SMARCA2: variants seen among roughly 807,000 people sequenced by gnomAD.
The protein encoded by SMARCA2 is SWI/SNF-related matrix-associated actin-dependent regulator of chromatin subfamily A member 2.
SMARCA2 carries 61 observed loss-of-function variants against 199.8 expected under a neutral mutation model. The observed-to-expected ratio is 0.31, with a 90% confidence interval of 0.25 to 0.38. The LOEUF is 0.38. SMARCA2 is among the 10% of genes least tolerant of loss of function. The pLI, the probability that SMARCA2 is intolerant of heterozygous loss-of-function variation, is 1.00. For missense variants in SMARCA2, 1,344 were observed against 2,012.2 expected (o/e 0.67, Z 6.35); for synonymous variants, 935 against 732.0 (o/e 1.28, Z -4.48).
intron 27 of SMARCA2, among the ~76,000 whole-genome samples, chr9:2,152,241 C>T (rs767617686): frequency 6.6e-6 from 1 of 152,186 alleles, no homozygotes; most frequent in Non-Finnish European, 1.5e-5. Context: ...TTTTGGAAGA[C>T]AACCCTATCA....
In SMARCA2 at chr9:2,060,962, G is replaced by C. The variant is rs1299495785; in HGVS notation, c.1668G>C (p.Lys556Asn). 6.2e-7 allele frequency: 1 copy of C among 1,614,014 alleles called. No homozygotes were observed. Among genetic ancestry groups the C allele is most frequent in the Non-Finnish European group, 8.5e-7 (1 of 1,179,926 alleles). Residue 556 changes from lysine to asparagine, a missense_variant, in exon 9 of 34, where the codon AAG becomes AAC. Lys to Asn is a moderately conservative substitution (Grantham distance 94). Transcript: ENST00000349721. ...AGCAAGCCCAGGCAGCCAAAGAGAA[G>C]AAGAAGAGGAGGAGGAGGAAGAAGG... ...EHKQAQAAKE[K>N]KKRRRRKKKA...
At chr9:2,188,718 C>T (rs1216755014) in intron 32 of SMARCA2, among the ~76,000 whole-genome samples, 1 of 152,184 alleles carries the variant, frequency 6.6e-6, no homozygotes, top group Non-Finnish European at 1.5e-5. Flanking sequence ...TCTTGTGGGT[C>T]ACAGGTTCAG....
At position 2,104,178 on chromosome 9, in the gene SMARCA2, A is replaced by G. The variant is rs778720299; in HGVS notation, c.3292+9A>G. On this transcript the variant is annotated intron_variant, in intron 23 of 33. Coordinates refer to ENST00000349721, the MANE Select transcript of SMARCA2 (RefSeq NM_003070.5). The surrounding 1 kb of genome is among the most constrained non-coding windows in gnomAD (Gnocchi z 4.0). ...TTACCTACGCCTTGATGGTAAGTGC[A>G]TAAGGCATTAGGCTCGGAAGCCATA... is the stretch of plus-strand genomic sequence containing the variant. 3.1e-6 allele frequency: 5 copies of G among 1,609,590 alleles called. No individual in the cohort carries two copies. In the South Asian group the frequency reaches 5.5e-5, roughly 18 times the overall value.
chr9:2,160,146 T>C (rs575572077), intron 27 of SMARCA2: 24 of 530,994 alleles, frequency 4.5e-5, no homozygotes, highest in African/African-American at 4.0e-4. Context: ...TTAGCTGCAG[T>C]GTGTTTAGCT....
intron 32 of SMARCA2, among the ~76,000 whole-genome samples, chr9:2,188,066 A>C (rs1301011408): frequency 6.6e-6 from 1 of 152,216 alleles, no homozygotes; most frequent in Non-Finnish European, 1.5e-5. Flanking sequence ...ACATGCTTTT[A>C]AAAAATTATT....
At chr9:2,177,134 A>G (rs1226944009) in intron 29 of SMARCA2, among the ~76,000 whole-genome samples, 1 of 152,142 alleles carries the variant, frequency 6.6e-6, no homozygotes, top group Admixed American at 6.6e-5. Flanking sequence ...CTTCAATGAT[A>G]TATATTAAAC....
At chr9:2,162,682 G>A (rs916960556) in intron 28 of SMARCA2, 1 of 152,124 alleles carries the variant, frequency 6.6e-6, no homozygotes, top group Admixed American at 6.6e-5. Flanking sequence ...AAAATTGACA[G>A]GAAACAGACA....
At chr9:2,176,716 C>CTAAGT in intron 29 of SMARCA2, among the ~76,000 whole-genome samples, 1 of 117,826 alleles carries the variant, frequency 8.5e-6, no homozygotes. Flanking sequence ...CCACGCCTGG[C>CTAAGT]TAAGTTTTGT....
In SMARCA2 at chr9:2,039,616, G is replaced by A. The variant is rs1158247037; in HGVS notation, c.506G>A (p.Arg169Lys). The change falls in exon 4 of 34, where the codon AGA (arginine) becomes AAA (lysine). Residue 169 changes from arginine (R) to lysine (K), a missense_variant. Transcript: ENST00000349721. The surrounding 1 kb of genome is among the most constrained non-coding windows in gnomAD (Gnocchi z 4.8). Reference sequence around the variant, plus strand: ...CCGCAGGCCATGAGCCAGCCCAACAGAGGTCCCTCACCTTTCAGTCCTGTC... The same window carrying A: ...CCGCAGGCCATGAGCCAGCCCAACAAAGGTCCCTCACCTTTCAGTCCTGTC... ...GDPQAMSQPN[R>K]GPSPFSPVQL... The A allele has an allele frequency of 1.9e-6, 3 of 1,614,168 alleles. No individual in the cohort carries two copies. The Admixed American group carries it at 5.0e-5, about 27-fold the overall frequency.
chr9:2,033,026 A>G lies in SMARCA2; in HGVS notation c.300A>G (p.Arg100=). Residue 100 remains arginine (R), a synonymous_variant, in exon 3 of 34, where the codon CGA becomes CGG. Coordinates refer to ENST00000349721, the MANE Select transcript of SMARCA2 (RefSeq NM_003070.5). ...HCGSMKGTGM[R]PPHPGMGPPQ... ...GATCCATGAAGGGCACTGGTATGCG[A>G]CCACCTCACCCAGGCATGGGCCCTC... The G allele has an allele frequency of 6.2e-7, 1 of 1,614,174 alleles. No homozygotes were observed. Among genetic ancestry groups the G allele is most frequent in the Non-Finnish European group, 8.5e-7 (1 of 1,179,990 alleles).
At chr9:2,173,496 T>A (rs1826370791) in intron 29 of SMARCA2, among the ~76,000 whole-genome samples, 2 of 152,212 alleles carry the variant, frequency 1.3e-5, no homozygotes, top group African/African-American at 4.8e-5. Flanking sequence ...CTGTGACCAA[T>A]TAGATACACT....
intron 27 of SMARCA2, among the ~76,000 whole-genome samples, chr9:2,150,072 CTG>C (rs573653634): frequency 9.9e-5 from 15 of 151,638 alleles, no homozygotes; most frequent in African/African-American, 3.6e-4. Flanking sequence ...GTACATGCGT[CTG>C]TATCTATTGC....
chr9:2,182,715 G>A (rs1016102624), intron 31 of SMARCA2, among the ~76,000 whole-genome samples: 2 of 151,852 alleles, frequency 1.3e-5, no homozygotes, highest in Non-Finnish European at 2.9e-5. Flanking sequence ...GGCTGGTCTT[G>A]AACTCCTGAC....
intron 13 of SMARCA2, among the ~76,000 whole-genome samples, chr9:2,077,195 C>A (rs1050793407): frequency 3.3e-5 from 5 of 152,140 alleles, no homozygotes; most frequent in African/African-American, 9.7e-5. Context: ...TGCCCTCTCC[C>A]CCTGCCCTCC....
At chr9:2,174,180 C>G (rs1202691552) in intron 29 of SMARCA2, among the ~76,000 whole-genome samples, 1 of 152,082 alleles carries the variant, frequency 6.6e-6, no homozygotes, top group Admixed American at 6.6e-5. Context: ...GTCTCTGCCT[C>G]TCAAGCTCCA....
chr9:2,070,431 A>T lies in SMARCA2; in HGVS notation c.1706A>T (p.Asn569Ile). The change falls in exon 10 of 34, where the codon AAT (asparagine) becomes ATT (isoleucine). Residue 569 changes from asparagine (N) to isoleucine (I), a missense_variant. Coordinates refer to ENST00000349721, the MANE Select transcript of SMARCA2 (RefSeq NM_003070.5). ...RRRRKKKAEE[N>I]AEGGESALGP... ...GTTGTTTTGCAGAAGGCTGAGGAGA[A>T]TGCAGAGGGTGGGGAGTCTGCCCTG... 1 of 1,613,964 alleles carries T rather than the reference A, an allele frequency of 6.2e-7. No individual in the cohort carries two copies. Among genetic ancestry groups the T allele is most frequent in the Non-Finnish European group, 8.5e-7 (1 of 1,179,888 alleles).
In SMARCA2 at chr9:2,086,453, A is replaced by C. The variant is rs540273991; in HGVS notation, c.2527-376A>C. On this transcript the variant is annotated intron_variant, in intron 17 of 33. Coordinates refer to ENST00000349721, the MANE Select transcript of SMARCA2 (RefSeq NM_003070.5). This position sits in a 1 kb window ranked among gnomAD's most constrained non-coding sequence, Gnocchi z 4.3. ...ATATTCTGTGCCTGTCATGAGCTGA[A>C]ATAGCATGACCATGAAATCTGGGAT... Among the ~76,000 whole-genome samples the C allele has an allele frequency of 5.9e-5, 9 of 152,338 alleles. No individual in the cohort carries two copies. The highest frequency in any genetic ancestry group is 2.6e-4 in the Admixed American group (4 of 15,304).
chr9:2,068,309 A>G (rs1820932892), intron 9 of SMARCA2, among the ~76,000 whole-genome samples: 1 of 152,206 alleles, frequency 6.6e-6, no homozygotes, highest in Non-Finnish European at 1.5e-5. Flanking sequence ...CATAAATAGA[A>G]ATTTAATTAC....
At chr9:2,160,073 A>T (rs547111932) in intron 27 of SMARCA2, 5 of 828,552 alleles carry the variant, frequency 6.0e-6, no homozygotes, top group Non-Finnish European at 9.1e-6. Flanking sequence ...TGCATGCTGT[A>T]TTTATTATTA....
Sources: allele counts gnomAD v4.1 joint callset (sites outside exome capture counted in the v4.1 genomes callset), GRCh38; gene constraint gnomAD v4.1.1; non-coding constraint Gnocchi (gnomAD v3.1); transcripts MANE v1.5; gene names NCBI Gene and HGNC (gene_info 2026-07-23, HGNC 2026-07-21).